The following SFXN1 variants were observed in gnomAD, a reference collection of about 807,000 sequenced individuals.
SFXN1 encodes sideroflexin 1, also known as sideroflexin-1.
SFXN1 carries 32 observed loss-of-function variants against 39.5 expected under a neutral mutation model. The observed-to-expected ratio is 0.81, with a 90% CI of 0.61 to 1.09. The LOEUF (loss-of-function observed/expected upper bound fraction) is 1.09, where lower values mean the gene tolerates loss of function less well. Ranked by LOEUF, SFXN1 falls within the 50% of genes least tolerant of loss-of-function variation. The pLI, the probability that SFXN1 is intolerant of heterozygous loss-of-function variation, is 0.00. For missense variants in SFXN1, 402 were observed against 407.1 expected, an observed-to-expected ratio of 0.99 and a Z score of 0.11; for synonymous variants, 136 against 146.5, an observed-to-expected ratio of 0.93 and a Z score of 0.52.
chr5:175,507,211 A>G lies in SFXN1; in HGVS notation c.165-1821A>G, dbSNP rs111589162. Among the ~76,000 whole-genome samples the G allele has an allele frequency of 9.6e-3, 1,452 of 151,844 alleles. 30 individuals carry two copies. Among genetic ancestry groups the G allele is most frequent in the African/African-American group, 0.033 (1,365 of 41,386 alleles). The stretch of plus-strand genomic sequence containing the variant: ...GTGTCTGATTGCACATGGCCTTCCT[A>G]TAAGGACACCATTCATTGGATTTAG... On this transcript the variant is annotated intron_variant, in intron 2 of 10. Transcript: ENST00000321442.
At chr5:175,479,182 A>G (rs1299895552) in intron 1 of SFXN1, among the ~76,000 whole-genome samples, 3 of 152,242 alleles carry the variant, frequency 2.0e-5, no homozygotes, top group African/African-American at 7.2e-5. Context: ...AGTTGGTCCT[A>G]CAGGGACCTT....
At chr5:175,488,668 C>G (rs901257125) in intron 1 of SFXN1, among the ~76,000 whole-genome samples, 2 of 152,084 alleles carry the variant, frequency 1.3e-5, no homozygotes, top group Admixed American at 1.3e-4. Context: ...GCTCTTCCCC[C>G]AGATATCCCC....
At position 175,521,921 on chromosome 5, in the gene SFXN1, G is replaced by T; in HGVS notation, c.777G>T (p.Arg259Ser). The T allele has an allele frequency of 1.3e-6, 2 of 1,596,612 alleles. No individual in the cohort carries two copies. The highest frequency in any genetic ancestry group is 8.6e-7 in the Non-Finnish European group (1 of 1,168,196). ...NTLEKKAFLK[R>S]FPWMSAPIQV... ...AAGCCATTTATTTCTCAACACAGAG[G>T]TTCCCATGGATGAGTGCACCCATTC... is the stretch of plus-strand genomic sequence containing the variant. The change falls in exon 9 of 11, where the codon AGG becomes AGT. Residue 259 changes from arginine (R) to serine (S), a missense_variant and splice_region_variant. Arg to Ser is a moderately radical substitution (Grantham distance 110, BLOSUM62 -1). Transcript: ENST00000321442.
chr5:175,502,332 G>A (rs181527548), intron 2 of SFXN1, among the ~76,000 whole-genome samples: 174 of 152,252 alleles, frequency 1.1e-3, no homozygotes, highest in African/African-American at 4.0e-3. Context: ...GCAAGAAGGG[G>A]GTCTTGGGGG....
chr5:175,525,063 C>G (rs1178079860), intron 10 of SFXN1, among the ~76,000 whole-genome samples: 1 of 152,172 alleles, frequency 6.6e-6, no homozygotes, highest in Admixed American at 6.5e-5. Context: ...TCCCAACTGT[C>G]AAGAAACAGA....
At chr5:175,485,344 G>A (rs1297965610) in intron 1 of SFXN1, among the ~76,000 whole-genome samples, 1 of 152,222 alleles carries the variant, frequency 6.6e-6, no homozygotes, top group Non-Finnish European at 1.5e-5. Context: ...TCTAGAACAA[G>A]TGGGCCTTCC....
At chr5:175,485,580 T>C (rs1291580391) in intron 1 of SFXN1, among the ~76,000 whole-genome samples, 1 of 152,218 alleles carries the variant, frequency 6.6e-6, no homozygotes, top group Non-Finnish European at 1.5e-5. Flanking sequence ...AACTTAATCA[T>C]ATCAGCAAAG....
intron 8 of SFXN1, among the ~76,000 whole-genome samples, chr5:175,519,864 CT>C (rs369561037): frequency 0.025 from 1,935 of 77,308 alleles, 3 homozygotes; most frequent in African/African-American, 0.072. Context: ...GGGTTTTTTG[CT>C]TTTTTTTTTT....
At chr5:175,517,959 T>C (rs1023661876) in intron 8 of SFXN1, among the ~76,000 whole-genome samples, 1 of 152,078 alleles carries the variant, frequency 6.6e-6, no homozygotes, top group South Asian at 2.1e-4. Context: ...TCCGCAAACA[T>C]GAAACTAATT....
Position 175,517,237 on chromosome 5 carries a change from G to A in SFXN1, c.774+574G>A, listed in dbSNP as rs115332400. Among the ~76,000 whole-genome samples the A allele has an allele frequency of 2.7e-3, 407 of 152,292 alleles. 1 individual carries two copies. The highest frequency in any genetic ancestry group is 9.5e-3 in the African/African-American group (394 of 41,550). ...CACCATTGCCGCATTGTTCCAGGCT[G>A]TTACACAATGATAAGATGAATAACT... On this transcript the variant is annotated intron_variant, in intron 8 of 10. Transcript: ENST00000321442.
chr5:175,503,058 C>G (rs1760144214), intron 2 of SFXN1, among the ~76,000 whole-genome samples: 1 of 152,012 alleles, frequency 6.6e-6, no homozygotes, highest in Non-Finnish European at 1.5e-5. Context: ...GAAAACAGAT[C>G]CATTGGTTGG....
chr5:175,523,326 T>G (rs1181464076), intron 10 of SFXN1: 1 of 152,232 alleles, frequency 6.6e-6, no homozygotes, highest in Non-Finnish European at 1.5e-5. Flanking sequence ...CCTTCAGAAC[T>G]TGCTCTGGGA....
chr5:175,529,156 G>A lies in SFXN1; in HGVS notation c.*2422G>A, dbSNP rs1036992716. On this transcript the variant is annotated 3_prime_UTR_variant, in exon 11 of 11. Transcript: ENST00000321442. ...GTTTGAGACCAGCCTGGCCAACATG[G>A]AGAAACCCCGCCTCTACTAAAAATA... 1 of 152,060 alleles carries A rather than the reference G, an allele frequency of 6.6e-6. No individual in the cohort carries two copies. Among genetic ancestry groups the A allele is most frequent in the Non-Finnish European group, 1.5e-5 (1 of 68,004 alleles). 9.4% of individuals were successfully genotyped at this position (152,060 alleles called of 1,614,324 possible).
chr5:175,508,305 A>G (rs1760387631), intron 2 of SFXN1, among the ~76,000 whole-genome samples: 1 of 137,806 alleles, frequency 7.3e-6, no homozygotes. Context: ...TGCTCACTGC[A>G]GCCTCAACCT....
intron 7 of SFXN1, 70 bp from the exon 8 acceptor site, chr5:175,516,543 TG>T (rs1760720293): frequency 3.8e-5 from 52 of 1,376,730 alleles, no homozygotes; most frequent in Non-Finnish European, 5.3e-5. Context: ...TTCTGTCAAA[TG>T]GTTGAAAAAA....
intron 7 of SFXN1, among the ~76,000 whole-genome samples, chr5:175,514,911 AAGG>A (rs754571840): frequency 6.6e-6 from 1 of 152,186 alleles, no homozygotes; most frequent in African/African-American, 2.4e-5. Context: ...ACTAACCTAA[AAGG>A]AGGCTATGGA....
At chr5:175,479,923 G>A (rs115783940) in intron 1 of SFXN1, among the ~76,000 whole-genome samples, 2,251 of 152,244 alleles carry the variant, frequency 0.015, 34 homozygotes, top group Middle Eastern at 0.024. Context: ...TCTAGGCATT[G>A]TTATAGGTGC....
At chr5:175,513,637 C>CG (rs1561672016) in intron 7 of SFXN1, 47 bp downstream of exon 7, 1 of 1,597,190 alleles carries the variant, frequency 6.3e-7, no homozygotes, top group East Asian at 2.2e-5. Context: ...GTTGAACCAG[C>CG]GTTCACGGAT....
At position 175,501,192 on chromosome 5, in the gene SFXN1, C is replaced by T. The variant is rs138649979; in HGVS notation, c.165-7840C>T. On this transcript the variant is annotated intron_variant, in intron 2 of 10. Transcript: ENST00000321442. The stretch of plus-strand genomic sequence containing the variant: ...CAAGCTATTCTCCTGCCTAAGCCTC[C>T]CGAGTAGCTAGGATTACAGGTACGT... Among the ~76,000 whole-genome samples the T allele has an allele frequency of 5.5e-4, 84 of 151,726 alleles. No homozygotes were observed. In the East Asian group the frequency reaches 0.014, roughly 25 times the overall value.
Sources: allele counts gnomAD v4.1 joint callset (sites outside exome capture counted in the v4.1 genomes callset), GRCh38; gene constraint gnomAD v4.1.1; transcripts MANE v1.5; gene names NCBI Gene and HGNC (gene_info 2026-07-23, HGNC 2026-07-21).